Variants in DMD observed in about 807,000 individuals in gnomAD.
The protein encoded by DMD is dystrophin, also known as mutant dystrophin.
DMD carries 63 observed loss-of-function variants against 330.1 expected under a neutral mutation model. That is an observed-to-expected ratio of 0.19 (90% CI 0.16 to 0.24). The LOEUF is 0.24. Ranked by LOEUF, DMD falls within the 10% of genes least tolerant of loss-of-function variation. The probability of loss-of-function intolerance (pLI) is 1.00; values close to 1 mark genes in which losing one functional copy is unlikely to be tolerated. For missense variants in DMD, 3,344 were observed against 2,684.1 expected (o/e 1.25, Z -5.43); for synonymous variants, 1,223 against 959.8 (o/e 1.27, Z -5.07).
At chrX:31,244,257 T>G (rs775672208) in intron 63 of DMD, among the ~76,000 whole-genome samples, 47 of 112,182 alleles carry the variant, frequency 4.2e-4, no homozygotes, top group Admixed American at 3.5e-3. Flanking sequence ...CCATACATAT[T>G]TGGTAAAGAA....
At chrX:33,091,547 T>C (rs904130571) in intron 1 of DMD, among the ~76,000 whole-genome samples, 6 of 112,124 alleles carry the variant, frequency 5.4e-5, no homozygotes, top group Admixed American at 1.9e-4. Flanking sequence ...CCTCTATACA[T>C]AGAAAGTTCT....
chrX:32,332,871 G>C (rs1440606720), intron 41 of DMD, among the ~76,000 whole-genome samples: 2 of 110,746 alleles, frequency 1.8e-5, no homozygotes, highest in Non-Finnish European at 3.8e-5. Context: ...TGAAAGAACG[G>C]TGCTTCCACT....
At chrX:32,056,056 T>A (rs4829243) in intron 44 of DMD, among the ~76,000 whole-genome samples, 14 of 110,268 alleles carry the variant, frequency 1.3e-4, no homozygotes, top group African/African-American at 4.3e-4. Context: ...GATCAAGCAG[T>A]CTGCTTAGTG....
At chrX:31,875,103 A>T in intron 48 of DMD, 85 bp downstream of exon 48, 1 of 867,869 alleles carries the variant, frequency 1.2e-6, no homozygotes, top group Non-Finnish European at 1.6e-6. Flanking sequence ...TTTTGTCTTT[A>T]ATAATGATAC....
chrX:31,178,101 G>C, intron 70 of DMD, 131 bp from the exon 71 acceptor site: 3 of 1,082,649 alleles, frequency 2.8e-6, no homozygotes. Context: ...GCCAAACCAA[G>C]GTGTAAAGTG....
At chrX:31,424,192 G>A (rs757503688) in intron 60 of DMD, among the ~76,000 whole-genome samples, 2 of 111,525 alleles carry the variant, frequency 1.8e-5, no homozygotes, top group Non-Finnish European at 3.8e-5. Flanking sequence ...GGAAAATGCC[G>A]TCATTACACT....
intron 42 of DMD, among the ~76,000 whole-genome samples, chrX:32,298,569 G>T (rs2097507331): frequency 9.2e-6 from 1 of 109,147 alleles, no homozygotes; most frequent in African/African-American, 3.5e-5. Context: ...ATATAAATTT[G>T]AGAGTCACTA....
At chrX:32,132,562 A>G (rs939343862) in intron 44 of DMD, among the ~76,000 whole-genome samples, 1 of 111,487 alleles carries the variant, frequency 9.0e-6, no homozygotes, top group Non-Finnish European at 1.9e-5. Flanking sequence ...TACGTTAACT[A>G]CATTTCATTG....
intron 7 of DMD, among the ~76,000 whole-genome samples, chrX:32,784,923 C>T (rs1179525068): frequency 9.0e-6 from 1 of 111,314 alleles, no homozygotes; most frequent in Non-Finnish European, 1.9e-5. Flanking sequence ...ATATCTTTTA[C>T]TTCCTGACAC....
chrX:32,292,299 A>ATTTTTTTTTTTTTTTTTTTTTTT (rs1355530949), intron 42 of DMD, among the ~76,000 whole-genome samples: 8 of 30,865 alleles, frequency 2.6e-4, no homozygotes, highest in East Asian at 1.7e-3. Context: ...CAAAGGGAAT[A>ATTTTTTTTTTTTTTTTTTTTTTT]TTCTTTTTTT....
At chrX:31,382,028 G>C (rs1482283804) in intron 60 of DMD, among the ~76,000 whole-genome samples, 1 of 111,405 alleles carries the variant, frequency 9.0e-6, no homozygotes. Context: ...TTCCCACAGG[G>C]AAACATAATT....
chrX:33,234,396 T>C (rs983057743), intron 1 of DMD, among the ~76,000 whole-genome samples: 7 of 110,849 alleles, frequency 6.3e-5, no homozygotes. Context: ...TGTGTCTGTG[T>C]GTATTTGTGA....
chrX:31,166,721 G>A (rs1462647217), intron 74 of DMD, among the ~76,000 whole-genome samples: 1 of 111,415 alleles, frequency 9.0e-6, no homozygotes, highest in Admixed American at 9.5e-5. Flanking sequence ...GACAGGACAG[G>A]GCAGATCAAA....
At chrX:31,668,998 C>G (rs2081590096) in intron 53 of DMD, among the ~76,000 whole-genome samples, 2 of 112,231 alleles carry the variant, frequency 1.8e-5, no homozygotes, top group African/African-American at 6.5e-5. Context: ...TTTTCTTTAT[C>G]CATTCATCCA....
At chrX:31,212,431 C>T (rs2044826528) in intron 64 of DMD, among the ~76,000 whole-genome samples, 1 of 109,541 alleles carries the variant, frequency 9.1e-6, no homozygotes, top group South Asian at 4.0e-4. Context: ...CTTTGCTGTG[C>T]AGGAAAAGCA....
chrX:31,684,852 G>T (rs2082590075), intron 52 of DMD, among the ~76,000 whole-genome samples: 1 of 111,926 alleles, frequency 8.9e-6, no homozygotes, highest in South Asian at 3.7e-4. Flanking sequence ...AATACATTTT[G>T]TCTGAGTAAG....
At chrX:31,561,239 C>T (rs1368267777) in intron 55 of DMD, among the ~76,000 whole-genome samples, 1 of 112,182 alleles carries the variant, frequency 8.9e-6, no homozygotes, top group African/African-American at 3.2e-5. Flanking sequence ...ATCCTATCTC[C>T]AGGAAGCCAA....
chrX:32,731,149 C>A (rs1206821967), intron 7 of DMD, among the ~76,000 whole-genome samples: 1 of 112,037 alleles, frequency 8.9e-6, no homozygotes, highest in Admixed American at 9.4e-5. Context: ...AAAGGGGTGA[C>A]GGACAGCACC....
chrX:33,105,306 A>G (rs2095275945), intron 1 of DMD, among the ~76,000 whole-genome samples: 1 of 111,786 alleles, frequency 8.9e-6, no homozygotes, highest in African/African-American at 3.3e-5. Flanking sequence ...TAAGTCTAAG[A>G]CCTGAAACCA....
Sources: allele counts gnomAD v4.1 joint callset (sites outside exome capture counted in the v4.1 genomes callset), GRCh38; gene constraint gnomAD v4.1.1; transcripts MANE v1.5; gene names NCBI Gene and HGNC (gene_info 2026-07-23, HGNC 2026-07-21).